IL31RA: variants seen among roughly 807,000 people sequenced by gnomAD.
IL31RA encodes the protein interleukin-31 receptor subunit alpha.
IL31RA carries 66 observed loss-of-function variants against 83.7 expected under a neutral mutation model. The observed-to-expected ratio is 0.79, with a 90% confidence interval of 0.65 to 0.97. IL31RA has a LOEUF of 0.97. Among genes scored for constraint, IL31RA ranks in the 50% least tolerant of loss-of-function variants. IL31RA has a pLI of 0.00. For synonymous variants in IL31RA, 325 were observed against 329.0 expected (o/e 0.99, Z 0.13); for missense variants, 798 against 919.4 (o/e 0.87, Z 1.71).
At chr5:55,880,122 C>G (rs1258205366) in intron 4 of IL31RA, among the ~76,000 whole-genome samples, 2 of 152,024 alleles carry the variant, frequency 1.3e-5, no homozygotes. Context: ...AATGATTCAC[C>G]TAAAAAAATA....
In IL31RA at chr5:55,868,908, AG is replaced by A. The variant is rs1317263148; in HGVS notation, c.272+1del. On this transcript the variant is annotated splice_donor_variant, in intron 3 of 14. Transcript: ENST00000652347. LOFTEE classifies it high-confidence loss of function. ...ACCCAGTACACAGTTAAGAGAACTTAGTAAGTACAGGAGCTTGTGTTTTATC... is the reference window on the plus strand; with the variant it reads ...ACCCAGTACACAGTTAAGAGAACTTATAAGTACAGGAGCTTGTGTTTTATC... The A allele has an allele frequency of 7.0e-7, 1 of 1,429,318 alleles. No individual in the cohort carries two copies. The highest frequency in any genetic ancestry group is 1.4e-5 in the African/African-American group (1 of 71,074). 88.5% of individuals were successfully genotyped at this position (1,429,318 alleles called of 1,614,324 possible).
chr5:55,907,318 C>A, intron 9 of IL31RA, 41 bp from the exon 10 acceptor site: 1 of 1,223,940 alleles, frequency 8.2e-7, no homozygotes, highest in Non-Finnish European at 1.2e-6. Flanking sequence ...CCCACTCTGC[C>A]GTGCTCTGCA....
At chr5:55,854,093 C>T (rs1489688554) in intron 1 of IL31RA, among the ~76,000 whole-genome samples, 1 of 152,174 alleles carries the variant, frequency 6.6e-6, no homozygotes, top group African/African-American at 2.4e-5. Flanking sequence ...AATACAAACC[C>T]TACACGGATT....
intron 3 of IL31RA, 63 bp from the exon 4 acceptor site, chr5:55,872,207 A>T: frequency 8.2e-7 from 1 of 1,218,446 alleles, no homozygotes; most frequent in Non-Finnish European, 1.2e-6. Flanking sequence ...TTAATACATT[A>T]AATATGGTTA....
chr5:55,911,043 A>G (rs1219497564), intron 12 of IL31RA, among the ~76,000 whole-genome samples: 1 of 152,172 alleles, frequency 6.6e-6, no homozygotes, highest in Non-Finnish European at 1.5e-5. Flanking sequence ...AGGTTACGGT[A>G]TGTATTAGTC....
At chr5:55,890,251 G>T in intron 6 of IL31RA, 116 bp downstream of exon 6, 1 of 1,027,092 alleles carries the variant, frequency 9.7e-7, no homozygotes, top group East Asian at 2.5e-5. Flanking sequence ...ATGACCCCAG[G>T]GGCCCCCTGT....
chr5:55,908,668 G>C lies in IL31RA; in HGVS notation c.1501+257G>C, dbSNP rs746893719. ...GGAAGGAGTTGTTATAATTTGTCCT[G>C]GTTAGGCCCTGAATTGACCTCCCGG... is the stretch of plus-strand genomic sequence containing the variant. On this transcript the variant is annotated intron_variant, in intron 11 of 14. Transcript: ENST00000652347. The C allele has an allele frequency of 1.0e-4, 157 of 1,514,632 alleles. No homozygotes were observed. The Middle Eastern group carries it at 1.5e-3, about 15-fold the overall frequency. 93.8% of individuals were successfully genotyped at this position (1,514,632 alleles called of 1,614,324 possible).
intron 11 of IL31RA, chr5:55,908,743 G>A (rs1360253272): frequency 6.9e-7 from 1 of 1,442,438 alleles, no homozygotes; most frequent in East Asian, 2.5e-5. Flanking sequence ...CTTAAAGAGT[G>A]AGGAGGAACA....
upstream of IL31RA, among the ~76,000 whole-genome samples, chr5:55,846,632 A>C (rs1744932776): frequency 6.6e-6 from 1 of 152,044 alleles, no homozygotes; most frequent in South Asian, 2.1e-4. Context: ...CTCCGTCTCT[A>C]CTAAAAATAC....
intron 13 of IL31RA, 80 bp from the exon 14 acceptor site, chr5:55,914,767 G>C: frequency 9.9e-7 from 1 of 1,006,900 alleles, no homozygotes; most frequent in Non-Finnish European, 1.6e-6. Context: ...CTTTAGCACA[G>C]CCTCACTCTT....
In IL31RA at chr5:55,908,307, TG is replaced by T; in HGVS notation, c.1398del (p.Lys467ArgfsTer50). On this transcript the variant is annotated frameshift_variant, in exon 11 of 15. Coordinates refer to ENST00000652347, the MANE Select transcript of IL31RA (RefSeq NM_139017.7). LOFTEE classifies it high-confidence loss of function. ...GPETKVENIGVKTVTITWKEI... is the reference protein window; with the variant it reads ...GPETKVENIGXKTVTITWKEI... ...GAGACCAAGGTGGAGAACATTGGCG[TG>T]AAGACGGTCACGATCACATGGAAAG... 1 of 1,614,172 alleles carries T rather than the reference TG, an allele frequency of 6.2e-7. No individual in the cohort carries two copies.
chr5:55,865,492 G>A (rs1202912613), intron 2 of IL31RA, among the ~76,000 whole-genome samples: 1 of 152,064 alleles, frequency 6.6e-6, no homozygotes, highest in Non-Finnish European at 1.5e-5. Context: ...CCAAATACAT[G>A]AATGTATATA....
At chr5:55,867,294 T>C (rs1218580334) in intron 2 of IL31RA, among the ~76,000 whole-genome samples, 6,991 of 113,640 alleles carry the variant, frequency 0.062, 579 homozygotes, top group African/African-American at 0.2. Flanking sequence ...TGTGTGCATG[T>C]GTGTGTGTGC....
chr5:55,848,941 C>T (rs1048368834), upstream of IL31RA, among the ~76,000 whole-genome samples: 1 of 152,172 alleles, frequency 6.6e-6, no homozygotes, highest in East Asian at 1.9e-4. Flanking sequence ...ACTCTCTAAC[C>T]ACCCAACAAA....
At chr5:55,872,182 C>T in intron 3 of IL31RA, 88 bp from the exon 4 acceptor site, 1 of 1,010,580 alleles carries the variant, frequency 9.9e-7, no homozygotes, top group Non-Finnish European at 1.5e-6. Flanking sequence ...CAGAGAAAAA[C>T]TAACAAATTA....
At chr5:55,847,657 T>C (rs1463959596), upstream of IL31RA, among the ~76,000 whole-genome samples, 1 of 152,208 alleles carries the variant, frequency 6.6e-6, no homozygotes, top group Non-Finnish European at 1.5e-5. Flanking sequence ...CAACATTTTA[T>C]ATTATTATGG....
chr5:55,866,448 G>C (rs960473643), intron 2 of IL31RA, among the ~76,000 whole-genome samples: 5 of 151,668 alleles, frequency 3.3e-5, no homozygotes, highest in African/African-American at 1.2e-4. Flanking sequence ...TTCTCATAAG[G>C]AGTGAGCAAC....
At chr5:55,914,735 T>C in intron 13 of IL31RA, 112 bp from the exon 14 acceptor site, 2 of 833,084 alleles carry the variant, frequency 2.4e-6, no homozygotes, top group South Asian at 2.8e-5. Context: ...TGCCCTTATT[T>C]AGGAGGGAAA....
chr5:55,913,742 G>T (rs940902000), intron 13 of IL31RA, among the ~76,000 whole-genome samples, 172 bp downstream of exon 13: 13 of 152,230 alleles, frequency 8.5e-5, no homozygotes, highest in African/African-American at 3.1e-4. Flanking sequence ...TGGCTCACCG[G>T]AATTCTGACC....
Sources: gnomAD v4.1 joint callset for allele counts (sites outside exome capture counted in the v4.1 genomes callset) on GRCh38, gnomAD v4.1.1 for gene constraint, MANE v1.5 for transcripts, NCBI Gene and HGNC (gene_info 2026-07-23, HGNC 2026-07-21) for gene names.